The following IL1RAPL1 variants were observed in gnomAD, a reference collection of about 807,000 sequenced individuals.
IL1RAPL1 encodes interleukin-1 receptor accessory protein-like 1.
Under a neutral mutation model 48.4 loss-of-function variants are expected in IL1RAPL1, and 3 were observed. The observed-to-expected ratio is 0.06, with a 90% confidence interval of 0.03 to 0.16. The LOEUF (loss-of-function observed/expected upper bound fraction) is 0.16, where lower values mean the gene tolerates loss of function less well. Ranked by LOEUF, IL1RAPL1 falls within the 10% of genes least tolerant of loss-of-function variation. The pLI is 1.00. For synonymous variants in IL1RAPL1, 185 were observed against 187.7 expected (o/e 0.99, Z 0.12); for missense variants, 349 against 530.6 (o/e 0.66, Z 3.36).
At chrX:28,755,347 G>C (rs1230733738) in intron 1 of IL1RAPL1, among the ~76,000 whole-genome samples, 1 of 112,169 alleles carries the variant, frequency 8.9e-6, no homozygotes, top group Non-Finnish European at 1.9e-5. Context: ...CTCTAAATGT[G>C]ATAACCACTA....
At chrX:29,875,939 A>G (rs1296090641) in intron 6 of IL1RAPL1, among the ~76,000 whole-genome samples, 1 of 112,128 alleles carries the variant, frequency 8.9e-6, no homozygotes, top group African/African-American at 3.2e-5. Flanking sequence ...TGGGCAAGTT[A>G]CATGACCTTG....
chrX:29,868,735 T>G (rs916981791), intron 6 of IL1RAPL1, among the ~76,000 whole-genome samples: 2 of 112,661 alleles, frequency 1.8e-5, no homozygotes, highest in Non-Finnish European at 3.7e-5. Context: ...GCTTAATGAC[T>G]TAAATATCCT....
intron 6 of IL1RAPL1, among the ~76,000 whole-genome samples, chrX:29,893,656 G>C (rs1393578394): frequency 5.4e-5 from 6 of 111,663 alleles, no homozygotes; most frequent in Non-Finnish European, 1.1e-4. Context: ...TCAATTGTTT[G>C]TACTGAGATA....
intron 3 of IL1RAPL1, among the ~76,000 whole-genome samples, chrX:29,295,159 G>T (rs1003441805): frequency 2.7e-5 from 3 of 111,949 alleles, no homozygotes; most frequent in African/African-American, 9.7e-5. Flanking sequence ...GATGATACTT[G>T]ATTGGATATA....
chrX:29,837,985 C>G (rs937447506), intron 6 of IL1RAPL1, among the ~76,000 whole-genome samples: 3 of 111,857 alleles, frequency 2.7e-5, no homozygotes, highest in Non-Finnish European at 5.6e-5. Context: ...TGAAGTGTTT[C>G]ATTTTCTCAG....
At chrX:29,387,425 T>A (rs1933793105) in intron 3 of IL1RAPL1, among the ~76,000 whole-genome samples, 1 of 112,147 alleles carries the variant, frequency 8.9e-6, no homozygotes, top group African/African-American at 3.2e-5. Context: ...TATGACCACC[T>A]TAGAAAAAGC....
intron 2 of IL1RAPL1, among the ~76,000 whole-genome samples, chrX:29,181,815 G>T (rs994473301): frequency 8.9e-6 from 1 of 112,089 alleles, no homozygotes; most frequent in Non-Finnish European, 1.9e-5. Context: ...TAAAGCAGAT[G>T]CAACTGAAGA....
rs980772048 is a variant in IL1RAPL1 at position 28,714,053 on chromosome X, T to C, written c.-24-75267T>C. 4.5e-5 allele frequency among the ~76,000 whole-genome samples: 5 copies of C among 111,923 alleles called. No homozygotes were observed. In the Admixed American group the frequency reaches 4.8e-4, roughly 11 times the overall value. On this transcript the variant is annotated intron_variant, in intron 1 of 10. Coordinates refer to ENST00000378993, the MANE Select transcript of IL1RAPL1 (RefSeq NM_014271.4). Reference sequence around the variant, plus strand: ...TTAAGTAAATAGGTCAATGTTATCATTTATGTATAATTTTATTGCTTTAGT... The same window carrying C: ...TTAAGTAAATAGGTCAATGTTATCACTTATGTATAATTTTATTGCTTTAGT...
chrX:29,158,814 C>A (rs1387646582), intron 2 of IL1RAPL1, among the ~76,000 whole-genome samples: 1 of 111,126 alleles, frequency 9.0e-6, no homozygotes, highest in Non-Finnish European at 1.9e-5. Context: ...ATTGCTCTTT[C>A]ATCTCAAAGA....
intron 1 of IL1RAPL1, among the ~76,000 whole-genome samples, chrX:28,783,445 C>T (rs1936442707): frequency 9.0e-6 from 1 of 111,247 alleles, no homozygotes; most frequent in African/African-American, 3.3e-5. Flanking sequence ...TTTGGAAGGT[C>T]AACATTCCCT....
intron 3 of IL1RAPL1, among the ~76,000 whole-genome samples, chrX:29,379,069 C>T (rs1465903943): frequency 1.8e-5 from 2 of 112,336 alleles, no homozygotes; most frequent in African/African-American, 3.2e-5. Context: ...GCTTAGCATT[C>T]CCGAACTGTG....
intron 6 of IL1RAPL1, among the ~76,000 whole-genome samples, chrX:29,888,242 G>GAGAC (rs1932207736): frequency 1.1e-5 from 1 of 91,293 alleles, no homozygotes; most frequent in African/African-American, 4.1e-5. Flanking sequence ...TTTTTTTTTT[G>GAGAC]AGACAGAGTC....
At chrX:29,449,348 G>A (rs143964284) in intron 5 of IL1RAPL1, among the ~76,000 whole-genome samples, 74 of 111,037 alleles carry the variant, frequency 6.7e-4, no homozygotes, top group African/African-American at 2.4e-3. Flanking sequence ...AAGTATGAGT[G>A]TGTGAATGTG....
chrX:29,827,821 T>C (rs1408191915), intron 6 of IL1RAPL1, among the ~76,000 whole-genome samples: 2 of 112,443 alleles, frequency 1.8e-5, no homozygotes, highest in African/African-American at 3.2e-5. Context: ...AGGTAGTATA[T>C]GTAAAGCATT....
chrX:28,657,874 C>T (rs113451259), intron 1 of IL1RAPL1, among the ~76,000 whole-genome samples: 17 of 111,860 alleles, frequency 1.5e-4, no homozygotes, highest in African/African-American at 5.2e-4. Context: ...GGTTGGTGTT[C>T]GAGAGGCTAA....
chrX:29,296,592 A>G (rs982967469), intron 3 of IL1RAPL1, among the ~76,000 whole-genome samples: 8 of 109,155 alleles, frequency 7.3e-5, no homozygotes, highest in Non-Finnish European at 1.5e-4. Context: ...TAATACTTTC[A>G]GTACCACCAT....
chrX:29,738,450 C>CTTTTTTTTT (rs59952038), intron 6 of IL1RAPL1, among the ~76,000 whole-genome samples: 53 of 86,130 alleles, frequency 6.2e-4, no homozygotes, highest in African/African-American at 1.6e-3. Context: ...CTTTTCTTTT[C>CTTTTTTTTT]TTTTTTTTTT....
chrX:29,434,093 T>C (rs187921828), intron 5 of IL1RAPL1, among the ~76,000 whole-genome samples: 1 of 108,555 alleles, frequency 9.2e-6, no homozygotes, highest in Admixed American at 9.8e-5. Context: ...ATTTTATGTG[T>C]AGGTATTTTT....
At position 28,923,625 on chromosome X, in the gene IL1RAPL1, G is replaced by GATGAATAGAT. The variant is rs764086630; in HGVS notation, c.82+134201_82+134210dup. Among the ~76,000 whole-genome samples the GATGAATAGAT allele has an allele frequency of 7.8e-3, 871 of 111,331 alleles. 5 individuals are homozygous for GATGAATAGAT. The highest frequency in any genetic ancestry group is 0.013 in the Non-Finnish European group (701 of 53,119). On this transcript the variant is annotated intron_variant, in intron 2 of 10. Transcript: ENST00000378993. ...AAATGGAGTGATATTTGGATTAAACGATGAATAGATGGGTGGGTATGTAAT... is the reference window on the plus strand; with the variant it reads ...AAATGGAGTGATATTTGGATTAAACGATGAATAGATATGAATAGATGGGTGGGTATGTAAT...
Sources: allele counts gnomAD v4.1 joint callset (sites outside exome capture counted in the v4.1 genomes callset), GRCh38; gene constraint gnomAD v4.1.1; transcripts MANE v1.5; gene names NCBI Gene and HGNC (gene_info 2026-07-23, HGNC 2026-07-21).